Variants in ANKS1B observed in about 807,000 individuals in gnomAD.
ANKS1B encodes the protein ankyrin repeat and sterile alpha motif domain-containing protein 1B.
In ANKS1B, 36 loss-of-function variants were observed where a neutral mutation model predicts 148.3. The ratio of observed to expected loss-of-function variants is 0.24; its 90% CI spans 0.19 to 0.32. The LOEUF is 0.32. ANKS1B is among the 10% of genes least tolerant of loss of function. The pLI, the probability that ANKS1B is intolerant of heterozygous loss-of-function variation, is 1.00. For missense variants in ANKS1B, 1,157 were observed against 1,542.6 expected (o/e 0.75, Z 4.19); for synonymous variants, 542 against 560.8 (o/e 0.97, Z 0.47).
chr12:99,885,429 T>C (rs1443321054), intron 1 of ANKS1B, among the ~76,000 whole-genome samples: 1 of 151,128 alleles, frequency 6.6e-6, no homozygotes, highest in Non-Finnish European at 1.5e-5. Context: ...GCCTCCCGAG[T>C]AGCTGGGACT....
intron 17 of ANKS1B, among the ~76,000 whole-genome samples, chr12:99,047,386 TA>T (rs1303813670): frequency 1.3e-5 from 2 of 152,100 alleles, no homozygotes; most frequent in Non-Finnish European, 2.9e-5. Context: ...GATGAGAGAA[TA>T]AGACTCTGTC....
In ANKS1B at chr12:99,826,727, T is replaced by C. The variant is rs144998814; in HGVS notation, c.135-1338A>G. On this transcript the variant is annotated intron_variant, in intron 1 of 26. Coordinates refer to ENST00000683438, the MANE Select transcript of ANKS1B (RefSeq NM_001352186.2). ...AATGCAATCCCTATCAAAATCCCAA[T>C]GGCATTCTTTAGGAAATTGAAAAAA... Among the ~76,000 whole-genome samples the C allele has an allele frequency of 4.4e-3, 671 of 152,176 alleles. 2 individuals are homozygous for C. Among genetic ancestry groups the C allele is most frequent in the Non-Finnish European group, 7.8e-3 (532 of 67,998 alleles).
intron 1 of ANKS1B, among the ~76,000 whole-genome samples, chr12:99,893,865 A>G (rs2093252243): frequency 6.6e-6 from 1 of 152,116 alleles, no homozygotes; most frequent in African/African-American, 2.4e-5. Flanking sequence ...AATATATACC[A>G]CATTTTCCTT....
chr12:99,447,454 T>C (rs1182070050), intron 10 of ANKS1B, among the ~76,000 whole-genome samples: 1 of 151,914 alleles, frequency 6.6e-6, no homozygotes, highest in Non-Finnish European at 1.5e-5. Flanking sequence ...TAAAAAAACA[T>C]TTTCTTAATT....
chr12:99,321,005 G>A (rs1320936926), intron 12 of ANKS1B, among the ~76,000 whole-genome samples: 3 of 152,178 alleles, frequency 2.0e-5, no homozygotes, highest in East Asian at 3.9e-4. Flanking sequence ...CCCCAGCGGA[G>A]GCTGCAGAAC....
intron 17 of ANKS1B, chr12:98,894,563 A>G: frequency 1.0e-6 from 1 of 983,028 alleles, no homozygotes; most frequent in Non-Finnish European, 1.2e-6. Flanking sequence ...CTGCGGCACC[A>G]CTTCTTGGAG....
intron 9 of ANKS1B, among the ~76,000 whole-genome samples, chr12:99,548,005 G>C (rs183967631): frequency 1.9e-3 from 287 of 152,210 alleles, no homozygotes; most frequent in Non-Finnish European, 3.0e-3. Context: ...AAAAATTGTA[G>C]TTGATTGACA....
At chr12:99,711,619 G>C (rs972808993) in intron 8 of ANKS1B, among the ~76,000 whole-genome samples, 3 of 152,094 alleles carry the variant, frequency 2.0e-5, no homozygotes, top group African/African-American at 7.2e-5. Flanking sequence ...ATGATCATTA[G>C]AGAAATGCAA....
chr12:99,098,799 G>A (rs970927663), intron 15 of ANKS1B, among the ~76,000 whole-genome samples: 1 of 149,406 alleles, frequency 6.7e-6, no homozygotes, highest in South Asian at 2.1e-4. Flanking sequence ...ACTTAGCTTT[G>A]TGGCCTTGGG....
intron 1 of ANKS1B, among the ~76,000 whole-genome samples, chr12:99,954,984 G>T (rs540385158): frequency 6.6e-6 from 1 of 152,238 alleles, no homozygotes; most frequent in South Asian, 2.1e-4. Flanking sequence ...CAGGCCCTTT[G>T]TCTGCCTTGA....
chr12:99,417,441 A>C (rs1388086309), intron 11 of ANKS1B, among the ~76,000 whole-genome samples: 1 of 152,172 alleles, frequency 6.6e-6, no homozygotes, highest in Non-Finnish European at 1.5e-5. Context: ...ACATTGTCTT[A>C]AGTACTGTAG....
intron 12 of ANKS1B, among the ~76,000 whole-genome samples, chr12:99,361,282 A>C (rs2152429883): frequency 6.6e-6 from 1 of 152,208 alleles, no homozygotes; most frequent in Admixed American, 6.6e-5. Context: ...AAAAATAAAA[A>C]AAATTAAAAT....
chr12:99,852,273 T>C (rs975578273), intron 1 of ANKS1B, among the ~76,000 whole-genome samples: 11 of 152,042 alleles, frequency 7.2e-5, no homozygotes, highest in Admixed American at 2.0e-4. Context: ...ACACTTATGG[T>C]ATTAATTACC....
At chr12:99,199,504 C>G (rs2081796631) in intron 14 of ANKS1B, among the ~76,000 whole-genome samples, 1 of 151,924 alleles carries the variant, frequency 6.6e-6, no homozygotes, top group Non-Finnish European at 1.5e-5. Context: ...AAATAAAGAG[C>G]CAGTCTTATT....
At chr12:98,790,326 C>T (rs572848919) in intron 22 of ANKS1B, among the ~76,000 whole-genome samples, 207 of 152,178 alleles carry the variant, frequency 1.4e-3, no homozygotes, top group Non-Finnish European at 2.5e-3. Context: ...TCCTTCCTTG[C>T]GGCGTGGTTA....
At chr12:99,287,159 G>A (rs57653543) in intron 12 of ANKS1B, among the ~76,000 whole-genome samples, 1 of 152,156 alleles carries the variant, frequency 6.6e-6, no homozygotes, top group Non-Finnish European at 1.5e-5. Context: ...TGACCATAGG[G>A]GTGCTTGTGT....
rs771054264 is a variant in ANKS1B at position 99,246,755 on chromosome 12, T to C, written c.1866A>G (p.Pro622=). ...GTTCTCTTTTCCCATAGAGATGAAATGGATTTTCAGGGGACTCACAGGCTG... is the reference window on the plus strand; with the variant it reads ...GTTCTCTTTTCCCATAGAGATGAAACGGATTTTCAGGGGACTCACAGGCTG... The part of the protein sequence containing the change: ...SSPACESPEN[P]FHLYGKREQC... The change falls in exon 13 of 27, where the codon CCA becomes CCG. Residue 622 remains proline, a synonymous_variant. Transcript: ENST00000683438. 1.9e-6 allele frequency: 3 copies of C among 1,613,824 alleles called. No individual in the cohort carries two copies. The highest frequency in any genetic ancestry group is 3.3e-5 in the Admixed American group (2 of 59,998).
In ANKS1B at chr12:98,854,433, A is replaced by G. The variant is rs563979275; in HGVS notation, c.2779-22297T>C. 2.0e-5 allele frequency among the ~76,000 whole-genome samples: 3 copies of G among 152,326 alleles called. 1 individual carries two copies. Among genetic ancestry groups the G allele is most frequent in the African/African-American group, 7.2e-5 (3 of 41,572 alleles). On this transcript the variant is annotated intron_variant, in intron 17 of 26. Transcript: ENST00000683438. ...TGATATTTAGTAATATGACTGAAAA[A>G]TCACATAGGACTCATTTATGAGCCA...
intron 9 of ANKS1B, among the ~76,000 whole-genome samples, chr12:99,615,314 T>A (rs1424382190): frequency 6.6e-6 from 1 of 152,186 alleles, no homozygotes; most frequent in East Asian, 1.9e-4. Flanking sequence ...CTCCTCATTT[T>A]TCAACTTCTT....
Sources: allele counts gnomAD v4.1 joint callset (sites outside exome capture counted in the v4.1 genomes callset), GRCh38; gene constraint gnomAD v4.1.1; transcripts MANE v1.5; gene names NCBI Gene and HGNC (gene_info 2026-07-23, HGNC 2026-07-21).